Variants in BLTP1 observed in about 807,000 individuals in gnomAD.
BLTP1 encodes the protein fragile site-associated protein.
the BLTP1 span, among the ~76,000 whole-genome samples, chr4:122,227,916 ATTT>A: frequency 7.3e-6 from 1 of 136,472 alleles, no homozygotes. Context: ...TTGCATTAAA[ATTT>A]TTTTTTTTTT....
the BLTP1 span, chr4:122,341,768 G>A: frequency 9.8e-5 from 97 of 985,338 alleles, no homozygotes; most frequent in African/African-American, 1.6e-3. Context: ...GCTAGTAGAT[G>A]TGGTCCATAC....
the BLTP1 span, chr4:122,226,554 A>T: frequency 6.8e-7 from 1 of 1,463,240 alleles, no homozygotes. Context: ...GGTAGAAAAA[A>T]ATCATTGGCT....
the BLTP1 span, among the ~76,000 whole-genome samples, chr4:122,326,510 C>A: frequency 6.6e-6 from 1 of 151,586 alleles, no homozygotes; most frequent in African/African-American, 2.4e-5. Context: ...TGAATTTAGT[C>A]AAACTGGATT....
At chr4:122,232,872 G>T in the BLTP1 span, among the ~76,000 whole-genome samples, 3 of 152,092 alleles carry the variant, frequency 2.0e-5, no homozygotes, top group South Asian at 4.2e-4. Flanking sequence ...GACTCGTGAC[G>T]ATTTGCCTCT....
At chr4:122,300,612 A>G in the BLTP1 span, among the ~76,000 whole-genome samples, 2 of 152,124 alleles carry the variant, frequency 1.3e-5, no homozygotes, top group Non-Finnish European at 2.9e-5. Context: ...CTAAATTTCA[A>G]AAGCCCAAAA....
the BLTP1 span, chr4:122,219,110 T>G: frequency 1.0e-6 from 1 of 982,806 alleles, no homozygotes; most frequent in Non-Finnish European, 1.2e-6. Context: ...AGTTTTTCTA[T>G]AAAATAGGCT....
chr4:122,176,351 AATT>A, the BLTP1 span, among the ~76,000 whole-genome samples: 4 of 152,246 alleles, frequency 2.6e-5, no homozygotes, highest in East Asian at 1.9e-4. Context: ...GAGTGAAGAG[AATT>A]ATTATTAACT....
chr4:122,350,433 A>T, the BLTP1 span: 11 of 975,248 alleles, frequency 1.1e-5, no homozygotes, highest in Non-Finnish European at 1.3e-5. Context: ...TTCACTTAGC[A>T]ATTCAATTGG....
At chr4:122,322,091 C>G in the BLTP1 span, among the ~76,000 whole-genome samples, 1 of 141,556 alleles carries the variant, frequency 7.1e-6, no homozygotes, top group Non-Finnish European at 1.5e-5. Flanking sequence ...TGAGAAAACT[C>G]TCAGTCATTA....
the BLTP1 span, chr4:122,175,317 C>G: frequency 1.1e-6 from 1 of 949,756 alleles, no homozygotes; most frequent in Non-Finnish European, 1.3e-6. Flanking sequence ...ATAAAAAGCT[C>G]AGAGACTGTA....
At chr4:122,163,920 T>C in the BLTP1 span, among the ~76,000 whole-genome samples, 1 of 152,220 alleles carries the variant, frequency 6.6e-6, no homozygotes, top group South Asian at 2.1e-4. Flanking sequence ...CTAATCTCTT[T>C]TGTTTTAGTG....
chr4:122,254,249 C>T, the BLTP1 span: 2 of 1,612,506 alleles, frequency 1.2e-6, no homozygotes, highest in Non-Finnish European at 1.7e-6. Context: ...GATGCCTCCT[C>T]CTCCAGATTC....
the BLTP1 span, among the ~76,000 whole-genome samples, chr4:122,199,078 T>C: frequency 1.3e-5 from 2 of 152,290 alleles, no homozygotes; most frequent in African/African-American, 4.8e-5. Context: ...GTTCTGTAAC[T>C]GAAAACTACT....
At chr4:122,286,504 C>T in the BLTP1 span, 5 of 1,611,178 alleles carry the variant, frequency 3.1e-6, no homozygotes, top group African/African-American at 1.3e-5. Context: ...AGTGAATGAA[C>T]ACTAGCACAA....
At chr4:122,194,192 A>T in the BLTP1 span, among the ~76,000 whole-genome samples, 1 of 152,306 alleles carries the variant, frequency 6.6e-6, no homozygotes, top group South Asian at 2.1e-4. Context: ...AGGCTGGTTG[A>T]GGTATAATAT....
the BLTP1 span, among the ~76,000 whole-genome samples, chr4:122,268,829 A>G: frequency 3.3e-5 from 5 of 152,178 alleles, no homozygotes; most frequent in Admixed American, 6.5e-5. Context: ...GTATGCTTCA[A>G]CTAATCACTA....
the BLTP1 span, chr4:122,279,645 C>T: frequency 9.8e-7 from 1 of 1,017,226 alleles, no homozygotes. Flanking sequence ...TTTTGTAATA[C>T]ACATTTTCCA....
chr4:122,153,162 T>G, the BLTP1 span: 1 of 258,114 alleles, frequency 3.9e-6, no homozygotes, highest in South Asian at 1.5e-4. Context: ...TGTTGTCGTT[T>G]TTTTTTTTTT....
the BLTP1 span, chr4:122,152,394 G>T: frequency 2.0e-5 from 20 of 985,126 alleles, no homozygotes; most frequent in Admixed American, 1.8e-4. Context: ...GGTGTCGGTG[G>T]CTGCGGCCAG....
Sources: allele counts gnomAD v4.1 joint callset (sites outside exome capture counted in the v4.1 genomes callset), GRCh38; gene constraint gnomAD v4.1.1; transcripts MANE v1.5; gene names NCBI Gene and HGNC (gene_info 2026-07-23, HGNC 2026-07-21).